Variants in CIAPIN1 observed in about 807,000 individuals in gnomAD.
CIAPIN1 encodes anamorsin.
In CIAPIN1, 18 loss-of-function variants were observed where a neutral mutation model predicts 34.3. The observed-to-expected ratio is 0.52, with a 90% CI of 0.36 to 0.78. The LOEUF is 0.78. CIAPIN1 is among the 30% of genes least tolerant of loss of function. The probability of loss-of-function intolerance (pLI) is 0.00; values close to 1 mark genes in which losing one functional copy is unlikely to be tolerated. For missense variants in CIAPIN1, 310 were observed against 372.5 expected (o/e 0.83, Z 1.38); for synonymous variants, 131 against 140.4 (o/e 0.93, Z 0.47).
intron 4 of CIAPIN1, among the ~76,000 whole-genome samples, chr16:57,435,466 A>G (rs1903178436): frequency 6.6e-6 from 1 of 152,254 alleles, no homozygotes; most frequent in African/African-American, 2.4e-5. Context: ...GCTAAAAGGA[A>G]AAATAAGAAA....
At chr16:57,437,145 A>T (rs750166076) in intron 3 of CIAPIN1, among the ~76,000 whole-genome samples, 2 of 152,196 alleles carry the variant, frequency 1.3e-5, no homozygotes, top group African/African-American at 4.8e-5. Flanking sequence ...AACAAAAAAA[A>T]AATAATAACC....
intron 2 of CIAPIN1, among the ~76,000 whole-genome samples, chr16:57,440,031 G>C (rs1903292220): frequency 6.6e-6 from 1 of 152,194 alleles, no homozygotes; most frequent in African/African-American, 2.4e-5. Context: ...GTGAATAGGA[G>C]AAATATCACT....
At chr16:57,433,657 G>A in intron 5 of CIAPIN1, 1 of 217,084 alleles carries the variant, frequency 4.6e-6, no homozygotes. Flanking sequence ...CCTGGCATGG[G>A]GAAAAAAGCA....
chr16:57,434,727 T>A (rs1242637570), intron 4 of CIAPIN1, among the ~76,000 whole-genome samples: 1 of 152,248 alleles, frequency 6.6e-6, no homozygotes, highest in Non-Finnish European at 1.5e-5. Context: ...TATGGAATAC[T>A]ATTACATCAT....
chr16:57,439,147 T>G, intron 3 of CIAPIN1, 35 bp downstream of exon 3: 2 of 1,610,630 alleles, frequency 1.2e-6, no homozygotes, highest in East Asian at 2.2e-5. Flanking sequence ...GACTCAACCC[T>G]GTCAAACATG....
chr16:57,431,903 A>C (rs1903095403), intron 6 of CIAPIN1, among the ~76,000 whole-genome samples: 1 of 152,254 alleles, frequency 6.6e-6, no homozygotes, highest in African/African-American at 2.4e-5. Context: ...CAATAAAACT[A>C]TTTAAGCTGA....
At chr16:57,439,101 C>T (rs1485092766) in intron 3 of CIAPIN1, 81 bp downstream of exon 3, 4 of 1,397,814 alleles carry the variant, frequency 2.9e-6, no homozygotes, top group African/African-American at 2.8e-5. Flanking sequence ...CCCAATGATA[C>T]CTCCTGCTCA....
chr16:57,444,050 A>G (rs574342274), intron 1 of CIAPIN1, among the ~76,000 whole-genome samples: 1 of 152,260 alleles, frequency 6.6e-6, no homozygotes, highest in African/African-American at 2.4e-5. Context: ...TTACAGAAAA[A>G]CCCTCATAAA....
At chr16:57,440,662 C>CT in intron 2 of CIAPIN1, 110 bp downstream of exon 2, 1 of 1,257,896 alleles carries the variant, frequency 7.9e-7, no homozygotes, top group Non-Finnish European at 1.1e-6. Flanking sequence ...CCAGCCACCA[C>CT]TATCACATGC....
Position 57,430,296 on chromosome 16 carries a change from C to T in CIAPIN1, c.790G>A (p.Glu264Lys), listed in dbSNP as rs1903058352. ...AEELEKEKSR[E>K]QMSSQPKSAC... The stretch of plus-strand genomic sequence containing the variant: ...GACTTGGGTTGGGAGCTCATCTGTT[C>T]CCTTGACTTCTCTTTTTCCAGTTCT... The change falls in exon 8 of 9, where the codon GAA (glutamate) becomes AAA (lysine). Residue 264 changes from glutamate (E) to lysine (K), a missense_variant. Glu to Lys is a moderately conservative substitution (Grantham distance 56). Transcript: ENST00000394391. 4 of 1,614,088 alleles carry T rather than the reference C, an allele frequency of 2.5e-6. No homozygotes were observed. In the African/African-American group the frequency reaches 4.0e-5, roughly 16 times the overall value.
rs375930192 is a variant in CIAPIN1, at chr16:57,436,576, A to G, written c.387+80T>C. The G allele has an allele frequency of 9.4e-5, 104 of 1,101,316 alleles. No individual in the cohort carries two copies. In the African/African-American group the frequency reaches 1.5e-3, roughly 15 times the overall value. The allele number at this position is 1,101,316 out of a possible 1,614,324, so 68.2% of individuals were successfully genotyped here. A position where few individuals can be genotyped will look rare whatever the true frequency, so the allele number is the denominator to read the frequency against. ...GAAGCATCATGTATCTTACATGCAC[A>G]GCATTTCTTGTTTCCTAGTTCTAAG... On this transcript the variant is annotated intron_variant, in intron 4 of 8. Coordinates refer to ENST00000394391, the MANE Select transcript of CIAPIN1 (RefSeq NM_020313.4).
At chr16:57,443,108 T>C (rs1273929610) in intron 1 of CIAPIN1, among the ~76,000 whole-genome samples, 1 of 150,776 alleles carries the variant, frequency 6.6e-6, no homozygotes, top group Non-Finnish European at 1.5e-5. Flanking sequence ...AAAAAAATAA[T>C]TAAAAAGACA....
rs1903271040 is a variant in CIAPIN1, at chr16:57,439,209, G to GA, written c.282dup (p.Leu95SerfsTer11). 6.8e-6 allele frequency: 11 copies of GA among 1,614,046 alleles called. No individual in the cohort carries two copies. Among genetic ancestry groups the GA allele is most frequent in the Non-Finnish European group, 9.3e-6 (11 of 1,180,040 alleles). ...ACAGCTGTCTCTACTGGCTCCTTCA[G>GA]AAAAAGACATCCACCAGGCCGAAGG... is the stretch of plus-strand genomic sequence containing the variant. On this transcript the variant is annotated frameshift_variant, in exon 3 of 9. Coordinates refer to ENST00000394391, the MANE Select transcript of CIAPIN1 (RefSeq NM_020313.4). LOFTEE classifies it high-confidence loss of function.
chr16:57,437,441 T>C (rs1324771196), intron 3 of CIAPIN1, among the ~76,000 whole-genome samples: 2 of 152,106 alleles, frequency 1.3e-5, no homozygotes, highest in African/African-American at 4.8e-5. Flanking sequence ...ATTTTCATCT[T>C]AATAGTATTT....
intron 1 of CIAPIN1, among the ~76,000 whole-genome samples, chr16:57,442,785 G>C (rs1335708394): frequency 4.6e-5 from 7 of 152,162 alleles, no homozygotes; most frequent in African/African-American, 1.7e-4. Flanking sequence ...ACTTTGATTT[G>C]TCACTCTTTT....
At chr16:57,435,108 G>A (rs1378940509) in intron 4 of CIAPIN1, among the ~76,000 whole-genome samples, 1 of 152,140 alleles carries the variant, frequency 6.6e-6, no homozygotes, top group South Asian at 2.1e-4. Flanking sequence ...TGGATCATGG[G>A]GGCAGATTTC....
chr16:57,436,707 T>G lies in CIAPIN1; in HGVS notation c.336A>C (p.Ala112=), dbSNP rs771410062. The change falls in exon 4 of 9, where the codon GCA becomes GCC. Residue 112 remains alanine, a synonymous_variant. Transcript: ENST00000394391. ...GAGTCAGGGCTGAACACAGCTTAGA[T>G]GCTGTCTTCACTTTGCTATTGTTAT... ...AVDNNSKVKT[A]SKLCSALTLS... is the part of the protein sequence containing the mutation. The G allele has an allele frequency of 1.1e-5, 18 of 1,613,798 alleles. 1 individual carries two copies. In the South Asian group the frequency reaches 1.8e-4, roughly 16 times the overall value.
chr16:57,434,314 G>C, intron 4 of CIAPIN1, 102 bp from the exon 5 acceptor site: 1 of 1,090,586 alleles, frequency 9.2e-7, no homozygotes, highest in Non-Finnish European at 1.4e-6. Context: ...GTGCATTAAG[G>C]ATGTAACAGT....
chr16:57,446,309 A>G (rs1328193923), intron 1 of CIAPIN1, among the ~76,000 whole-genome samples: 1 of 152,214 alleles, frequency 6.6e-6, no homozygotes, highest in African/African-American at 2.4e-5. Context: ...TATGGAGAGG[A>G]GTGTTTTACC....
Sources: gnomAD v4.1 joint callset for allele counts (sites outside exome capture counted in the v4.1 genomes callset) on GRCh38, gnomAD v4.1.1 for gene constraint, MANE v1.5 for transcripts, NCBI Gene and HGNC (gene_info 2026-07-23, HGNC 2026-07-21) for gene names.